Variants in CDH12 observed in about 807,000 individuals in gnomAD.
The protein encoded by CDH12 is cadherin-12.
CDH12 carries 41 observed loss-of-function variants against 74.1 expected under a neutral mutation model. The observed-to-expected ratio is 0.55, with a 90% CI of 0.43 to 0.72. The LOEUF is 0.72. Among genes scored for constraint, CDH12 ranks in the 30% least tolerant of loss-of-function variants. The pLI, the probability that CDH12 is intolerant of heterozygous loss-of-function variation, is 0.00. For missense variants in CDH12, 945 were observed against 977.2 expected (o/e 0.97, Z 0.44); for synonymous variants, 399 against 355.0 (o/e 1.12, Z -1.39).
chr5:22,837,050 T>C (rs1299637656), intron 1 of CDH12, among the ~76,000 whole-genome samples: 1 of 152,200 alleles, frequency 6.6e-6, no homozygotes, highest in Non-Finnish European at 1.5e-5. Context: ...TAAATATTGA[T>C]TTAGTGACCT....
At chr5:22,235,899 A>G (rs1275707697) in intron 3 of CDH12, among the ~76,000 whole-genome samples, 1 of 152,230 alleles carries the variant, frequency 6.6e-6, no homozygotes, top group Non-Finnish European at 1.5e-5. Flanking sequence ...AGCATACTAC[A>G]CACCTGGGCT....
chr5:22,059,395 G>A (rs9687977), intron 5 of CDH12, among the ~76,000 whole-genome samples: 1 of 64,392 alleles, frequency 1.6e-5, no homozygotes, highest in East Asian at 2.9e-4. Context: ...ATCTATCTAT[G>A]TATCTACTTT....
chr5:22,350,859 A>G (rs1246434801), intron 3 of CDH12, among the ~76,000 whole-genome samples: 1 of 152,196 alleles, frequency 6.6e-6, no homozygotes, highest in Non-Finnish European at 1.5e-5. Context: ...TTATGTTTAT[A>G]GGCAAAGGTG....
chr5:21,881,500 A>G (rs1242387074), intron 6 of CDH12, among the ~76,000 whole-genome samples: 1 of 152,188 alleles, frequency 6.6e-6, no homozygotes, highest in African/African-American at 2.4e-5. Context: ...CCACTACCCT[A>G]GTCCACCTCC....
chr5:22,565,290 A>G lies in CDH12; in HGVS notation c.-522-59926T>C, dbSNP rs187319027. ...CAGTAGGATTGCTGGGTCATATGAT[A>G]GTTCTAGGTTTAGTTTTTGAGGAAT... On this transcript the variant is annotated intron_variant, in intron 1 of 14. Coordinates refer to ENST00000382254, the MANE Select transcript of CDH12 (RefSeq NM_004061.5). Among the ~76,000 whole-genome samples, 35 of 152,242 alleles carry G rather than the reference A, an allele frequency of 2.3e-4. 1 individual carries two copies. Among genetic ancestry groups the G allele is most frequent in the Non-Finnish European group, 1.5e-5 (1 of 68,012 alleles).
At chr5:21,972,980 T>C (rs932196196) in intron 6 of CDH12, among the ~76,000 whole-genome samples, 1 of 148,896 alleles carries the variant, frequency 6.7e-6, no homozygotes, top group African/African-American at 2.5e-5. Context: ...GGTGGAGGGA[T>C]CATTTGAGGC....
chr5:22,584,270 T>C (rs545832240), intron 1 of CDH12, among the ~76,000 whole-genome samples: 9 of 152,122 alleles, frequency 5.9e-5, no homozygotes, highest in African/African-American at 2.2e-4. Flanking sequence ...CAGCTAACTT[T>C]TGTACTTTTA....
chr5:22,224,220 TC>T (rs958356408), intron 3 of CDH12, among the ~76,000 whole-genome samples: 1 of 152,110 alleles, frequency 6.6e-6, no homozygotes, highest in African/African-American at 2.4e-5. Flanking sequence ...CATAACATGT[TC>T]TTTTTATACT....
At chr5:22,677,686 A>G (rs1741270363) in intron 1 of CDH12, among the ~76,000 whole-genome samples, 1 of 152,168 alleles carries the variant, frequency 6.6e-6, no homozygotes, top group Non-Finnish European at 1.5e-5. Context: ...AGCAGGATAA[A>G]GATGGCCTAT....
chr5:22,698,676 G>GATATATAT (rs1193077466), intron 1 of CDH12, among the ~76,000 whole-genome samples: 2 of 30,986 alleles, frequency 6.5e-5, no homozygotes, highest in Non-Finnish European at 1.2e-4. Flanking sequence ...TCAATCCCCA[G>GATATATAT]ATATATATAT....
chr5:22,006,862 TA>T (rs1736995093), intron 5 of CDH12, among the ~76,000 whole-genome samples: 2 of 152,262 alleles, frequency 1.3e-5, no homozygotes, highest in South Asian at 4.1e-4. Context: ...AACAGCTTTT[TA>T]TTATTATTAA....
intron 5 of CDH12, among the ~76,000 whole-genome samples, chr5:22,012,821 A>T (rs1478543403): frequency 7.1e-6 from 1 of 141,716 alleles, no homozygotes; most frequent in Non-Finnish European, 1.5e-5. Flanking sequence ...CCTTCCTTTC[A>T]TGTGATTTAT....
intron 2 of CDH12, among the ~76,000 whole-genome samples, chr5:22,458,695 T>G (rs182227548): frequency 1.8e-3 from 277 of 152,290 alleles, no homozygotes; most frequent in African/African-American, 6.2e-3. Flanking sequence ...TTTAGATATT[T>G]TAATGTTGCA....
intron 5 of CDH12, among the ~76,000 whole-genome samples, chr5:22,058,545 G>T (rs1740916789): frequency 6.6e-6 from 1 of 151,066 alleles, no homozygotes; most frequent in African/African-American, 2.4e-5. Flanking sequence ...GTGTATTTTT[G>T]TATATAGATT....
chr5:22,573,428 T>C (rs997641628), intron 1 of CDH12, among the ~76,000 whole-genome samples: 1 of 152,092 alleles, frequency 6.6e-6, no homozygotes, highest in African/African-American at 2.4e-5. Context: ...TATTTAACAA[T>C]ATGTATATAA....
intron 3 of CDH12, among the ~76,000 whole-genome samples, chr5:22,321,202 T>C (rs1302564132): frequency 2.0e-5 from 3 of 151,964 alleles, no homozygotes; most frequent in Non-Finnish European, 4.4e-5. Flanking sequence ...ACACGTTGTT[T>C]ATTGCGGCAT....
intron 3 of CDH12, among the ~76,000 whole-genome samples, chr5:22,329,781 C>A (rs778754168): frequency 6.6e-6 from 1 of 152,186 alleles, no homozygotes; most frequent in African/African-American, 2.4e-5. Context: ...AGCCAGCGCC[C>A]ACACATGGAG....
At chr5:22,461,203 T>C (rs1267182038) in intron 2 of CDH12, among the ~76,000 whole-genome samples, 1 of 151,666 alleles carries the variant, frequency 6.6e-6, no homozygotes, top group African/African-American at 2.4e-5. Flanking sequence ...AATTTTTGTA[T>C]TTTTAGTAGA....
At chr5:22,739,318 T>TTTC (rs1471956060) in intron 1 of CDH12, among the ~76,000 whole-genome samples, 5 of 141,664 alleles carry the variant, frequency 3.5e-5, no homozygotes, top group Non-Finnish European at 4.7e-5. Flanking sequence ...AAAATTTTAC[T>TTTC]TTTTTTTACT....
Sources: gnomAD v4.1 joint callset for allele counts (sites outside exome capture counted in the v4.1 genomes callset) on GRCh38, gnomAD v4.1.1 for gene constraint, MANE v1.5 for transcripts, NCBI Gene and HGNC (gene_info 2026-07-23, HGNC 2026-07-21) for gene names.